The following VAV3 variants were observed in gnomAD, a reference collection of about 807,000 sequenced individuals.
VAV3 encodes the protein vav guanine nucleotide exchange factor 3, also known as guanine nucleotide exchange factor VAV3.
A neutral mutation model predicts 131.2 loss-of-function variants in VAV3; 94 were observed. The observed-to-expected ratio is 0.72, with a 90% confidence interval of 0.61 to 0.85. The LOEUF (loss-of-function observed/expected upper bound fraction) is 0.85, where lower values mean the gene tolerates loss of function less well. Ranked by LOEUF, VAV3 falls within the 40% of genes least tolerant of loss-of-function variation. The probability of loss-of-function intolerance (pLI) is 0.00; values close to 1 mark genes in which losing one functional copy is unlikely to be tolerated. For synonymous variants in VAV3, 349 were observed against 342.0 expected (o/e 1.02, Z -0.22); for missense variants, 939 against 1,002.7 (o/e 0.94, Z 0.86).
At chr1:107,581,859 G>T (rs1024810982) in intron 25 of VAV3, among the ~76,000 whole-genome samples, 1 of 152,160 alleles carries the variant, frequency 6.6e-6, no homozygotes, top group African/African-American at 2.4e-5. Flanking sequence ...CAACCTAATC[G>T]ACACTCTTCG....
In VAV3 at chr1:107,748,959, A is replaced by G; in HGVS notation, c.1502+9T>C. 6.4e-7 allele frequency: 1 copy of G among 1,560,658 alleles called. No individual in the cohort carries two copies. Among genetic ancestry groups the G allele is most frequent in the Non-Finnish European group, 8.7e-7 (1 of 1,148,926 alleles). On this transcript the variant is annotated intron_variant, in intron 15 of 26. Transcript: ENST00000370056. ...AAATAAAAGCACTTTTAAAAATAGA[A>G]ATACTCACAAAGCCATTTCAAACTG...
At chr1:107,883,053 C>T (rs1345120338) in intron 1 of VAV3, among the ~76,000 whole-genome samples, 1 of 152,130 alleles carries the variant, frequency 6.6e-6, no homozygotes, top group Non-Finnish European at 1.5e-5. Flanking sequence ...TGATTATTGT[C>T]CAGGCCACAA....
chr1:107,829,209 G>A (rs1480107343), intron 2 of VAV3, among the ~76,000 whole-genome samples: 1 of 152,170 alleles, frequency 6.6e-6, no homozygotes, highest in Admixed American at 6.5e-5. Context: ...CAGAGCAAAT[G>A]AAAGGGGATG....
In VAV3 at chr1:107,572,183, C is replaced by T. The variant is rs575511762; in HGVS notation, c.*1148G>A. The stretch of plus-strand genomic sequence containing the variant: ...ACAAATGTACTGCAAGACCCATCTT[C>T]CCTCCAGTTAATACACTCCCAGGAT... On this transcript the variant is annotated 3_prime_UTR_variant, in exon 27 of 27. Transcript: ENST00000370056. 15 of 152,314 alleles carry T rather than the reference C, an allele frequency of 9.8e-5. No homozygotes were observed. The highest frequency in any genetic ancestry group is 3.4e-4 in the African/African-American group (14 of 41,544). The allele number at this position is 152,314 out of a possible 1,614,324, so 9.4% of individuals were successfully genotyped here.
chr1:107,577,707 A>G (rs977598789), intron 25 of VAV3, among the ~76,000 whole-genome samples: 34 of 152,232 alleles, frequency 2.2e-4, no homozygotes, highest in African/African-American at 8.0e-4. Flanking sequence ...CCTCCCCTTC[A>G]GGATGGTGGA....
In VAV3 at chr1:107,931,209, T is replaced by C. The variant is rs574763892; in HGVS notation, c.204+33457A>G. ...ATGTTAGATTATAATAAGAAATTGCTCACTTTGTTAGATGTGATAATGGCA... is the reference window on the plus strand; with the variant it reads ...ATGTTAGATTATAATAAGAAATTGCCCACTTTGTTAGATGTGATAATGGCA... On this transcript the variant is annotated intron_variant, in intron 1 of 26. Transcript: ENST00000370056. Among the ~76,000 whole-genome samples, 5 of 152,298 alleles carry C rather than the reference T, an allele frequency of 3.3e-5. No homozygotes were observed. The South Asian group carries it at 1.0e-3, about 32-fold the overall frequency.
At chr1:107,643,080 G>T (rs1283826336) in intron 19 of VAV3, among the ~76,000 whole-genome samples, 1 of 152,084 alleles carries the variant, frequency 6.6e-6, no homozygotes, top group Admixed American at 6.5e-5. Context: ...TAATGGAAAA[G>T]AATCAATTTT....
chr1:107,773,160 C>T (rs145065132), intron 4 of VAV3, among the ~76,000 whole-genome samples: 1 of 152,224 alleles, frequency 6.6e-6, no homozygotes, highest in East Asian at 1.9e-4. Context: ...ATTATTTAAT[C>T]CATTAAAGAG....
At chr1:107,903,641 T>C (rs561922672) in intron 1 of VAV3, among the ~76,000 whole-genome samples, 1 of 152,094 alleles carries the variant, frequency 6.6e-6, no homozygotes, top group African/African-American at 2.4e-5. Flanking sequence ...TGCATCTTTA[T>C]CCCCACTGCA....
intron 15 of VAV3, among the ~76,000 whole-genome samples, chr1:107,714,652 T>C (rs1660984988): frequency 6.6e-6 from 1 of 152,034 alleles, no homozygotes; most frequent in Admixed American, 6.6e-5. Flanking sequence ...CACCATAGCA[T>C]ACTAATTATG....
chr1:107,595,648 A>G (rs867501316), intron 25 of VAV3, among the ~76,000 whole-genome samples: 13 of 152,296 alleles, frequency 8.5e-5, no homozygotes, highest in Middle Eastern at 6.8e-3. Flanking sequence ...TCCAACCATA[A>G]CATGCTTTTG....
At chr1:107,836,481 C>A (rs549575350) in intron 2 of VAV3, among the ~76,000 whole-genome samples, 1 of 152,186 alleles carries the variant, frequency 6.6e-6, no homozygotes, top group South Asian at 2.1e-4. Context: ...TTTAAAAGTT[C>A]TCAAATTAAC....
chr1:107,589,066 T>C (rs574516229), intron 25 of VAV3, among the ~76,000 whole-genome samples: 29 of 152,302 alleles, frequency 1.9e-4, no homozygotes, highest in Non-Finnish European at 3.7e-4. Flanking sequence ...GCCTGACTGC[T>C]GTAATAATGT....
At chr1:107,917,743 A>T (rs924747374) in intron 1 of VAV3, among the ~76,000 whole-genome samples, 1 of 152,188 alleles carries the variant, frequency 6.6e-6, no homozygotes, top group Admixed American at 6.5e-5. Flanking sequence ...TAGGCCAGAA[A>T]TGTTTCAAAT....
chr1:107,771,137 T>C (rs1665018521), intron 5 of VAV3, among the ~76,000 whole-genome samples: 1 of 152,148 alleles, frequency 6.6e-6, no homozygotes, highest in African/African-American at 2.4e-5. Context: ...AACATTAACA[T>C]CTTACTGCTT....
At chr1:107,924,298 C>A (rs1673047818) in intron 1 of VAV3, among the ~76,000 whole-genome samples, 1 of 151,172 alleles carries the variant, frequency 6.6e-6, no homozygotes, top group Non-Finnish European at 1.5e-5. Context: ...AATTACAAAT[C>A]AATTGTTATA....
chr1:107,831,625 TTGAG>T (rs1490017190), intron 2 of VAV3, among the ~76,000 whole-genome samples: 1 of 152,186 alleles, frequency 6.6e-6, no homozygotes, highest in Admixed American at 6.5e-5. Context: ...TGTTGCTCAT[TTGAG>T]TATTTGGATA....
intron 1 of VAV3, among the ~76,000 whole-genome samples, chr1:107,947,288 T>C (rs1365880308): frequency 1.3e-5 from 2 of 152,178 alleles, no homozygotes; most frequent in Non-Finnish European, 2.9e-5. Context: ...AAAGCCACAA[T>C]ATTCCAAGTC....
Position 107,772,834 on chromosome 1 carries a change from A to G in VAV3, c.456T>C (p.Leu152=). ...KGLPDLIDET[L]VEDEEDLYDC... is the part of the protein sequence containing the mutation. ...CATAGAGATCTTCTTCATCTTCCACAAGGGTTTCACTACAACAAAGGATAT... is the reference window on the plus strand; with the variant it reads ...CATAGAGATCTTCTTCATCTTCCACGAGGGTTTCACTACAACAAAGGATAT... The change falls in exon 5 of 27, where the codon CTT becomes CTC. Residue 152 remains leucine, a synonymous_variant. Coordinates refer to ENST00000370056, the MANE Select transcript of VAV3 (RefSeq NM_006113.5). 1.2e-6 allele frequency: 2 copies of G among 1,613,308 alleles called. No individual in the cohort carries two copies. Among genetic ancestry groups the G allele is most frequent in the Non-Finnish European group, 1.7e-6 (2 of 1,179,654 alleles).
Sources: gnomAD v4.1 joint callset for allele counts (sites outside exome capture counted in the v4.1 genomes callset) on GRCh38, gnomAD v4.1.1 for gene constraint, MANE v1.5 for transcripts, NCBI Gene and HGNC (gene_info 2026-07-23, HGNC 2026-07-21) for gene names.